The following MICU3 variants were observed in gnomAD, a reference collection of about 807,000 sequenced individuals.
MICU3 encodes mitochondrial calcium uptake 3.
MICU3 carries 62 observed loss-of-function variants against 66.5 expected under a neutral mutation model. That is an observed-to-expected ratio of 0.93 (90% CI 0.76 to 1.15). MICU3 has a LOEUF of 1.15. Among genes scored for constraint, MICU3 ranks in the 50% most tolerant of loss-of-function variants. The probability of loss-of-function intolerance (pLI) is 0.00; values close to 1 mark genes in which losing one functional copy is unlikely to be tolerated. For synonymous variants in MICU3, 308 were observed against 240.7 expected (o/e 1.28, Z -2.59); for missense variants, 779 against 664.4 (o/e 1.17, Z -1.90).
chr8:17,126,923 A>G (rs113172400), downstream of MICU3, among the ~76,000 whole-genome samples: 18 of 152,342 alleles, frequency 1.2e-4, no homozygotes, highest in African/African-American at 4.3e-4. Flanking sequence ...TCTCTGACAC[A>G]GTATATTCTG....
chr8:17,066,794 G>T (rs932263033), intron 2 of MICU3, among the ~76,000 whole-genome samples: 1 of 151,810 alleles, frequency 6.6e-6, no homozygotes, highest in Non-Finnish European at 1.5e-5. Flanking sequence ...CAGTCCACCT[G>T]CCTCAGCCTC....
At position 17,120,492 on chromosome 8, in the gene MICU3, T is replaced by C. The variant is rs892888330; in HGVS notation, c.*205T>C. The C allele has an allele frequency of 2.6e-5, 4 of 152,124 alleles. No individual in the cohort carries two copies. The highest frequency in any genetic ancestry group is 5.9e-5 in the Non-Finnish European group (4 of 67,956). The allele number at this position is 152,124 out of a possible 1,614,324, so 9.4% of individuals were successfully genotyped here. A position where few individuals can be genotyped will look rare whatever the true frequency, so the allele number is the denominator to read the frequency against. ...ATCTTGTTACTACAAATGTTATATATATAAAATCAAGTTGAGCTTTGCCTT... is the reference window on the plus strand; with the variant it reads ...ATCTTGTTACTACAAATGTTATATACATAAAATCAAGTTGAGCTTTGCCTT... On this transcript the variant is annotated 3_prime_UTR_variant, in exon 15 of 15. Transcript: ENST00000318063.
intron 3 of MICU3, 70 bp downstream of exon 3, chr8:17,069,789 A>G (rs1819273231): frequency 2.0e-6 from 1 of 506,188 alleles, no homozygotes; most frequent in African/African-American, 2.0e-5. Flanking sequence ...TATAATTAAA[A>G]TATATTTCAT....
intron 2 of MICU3, among the ~76,000 whole-genome samples, chr8:17,066,771 T>C (rs1298253324): frequency 1.3e-5 from 2 of 151,974 alleles, no homozygotes; most frequent in South Asian, 4.1e-4. Context: ...TGGCTTGAAC[T>C]CCTGGGCTCG....
At chr8:17,115,683 T>G (rs1026635885) in intron 12 of MICU3, among the ~76,000 whole-genome samples, 1 of 152,192 alleles carries the variant, frequency 6.6e-6, no homozygotes, top group African/African-American at 2.4e-5. Flanking sequence ...GACAGAATAA[T>G]CTTTCTTAAA....
intron 1 of MICU3, among the ~76,000 whole-genome samples, chr8:17,030,415 CTT>C (rs1811817539): frequency 6.6e-6 from 1 of 152,202 alleles, no homozygotes. Context: ...TTTTACAGCT[CTT>C]TTTCTCTGAT....
chr8:17,077,646 G>A (rs979919584), intron 3 of MICU3, 137 bp from the exon 4 acceptor site: 12 of 555,340 alleles, frequency 2.2e-5, no homozygotes, highest in African/African-American at 3.8e-5. Flanking sequence ...ATGAACCACA[G>A]GCATAACATA....
intron 5 of MICU3, among the ~76,000 whole-genome samples, chr8:17,083,225 C>T (rs11203831): frequency 0.016 from 2,468 of 152,126 alleles, 65 homozygotes; most frequent in African/African-American, 0.056. Context: ...GCCAGTTTAT[C>T]GCTCTGTGTA....
At chr8:17,115,342 C>T (rs1156621834) in intron 12 of MICU3, among the ~76,000 whole-genome samples, 1 of 152,140 alleles carries the variant, frequency 6.6e-6, no homozygotes, top group South Asian at 2.1e-4. Context: ...ATTCTCAACC[C>T]ATTTTAGTGT....
intron 3 of MICU3, among the ~76,000 whole-genome samples, chr8:17,076,450 C>T (rs1198196043): frequency 6.6e-6 from 1 of 152,136 alleles, no homozygotes; most frequent in African/African-American, 2.4e-5. Flanking sequence ...CTGTGCCATT[C>T]CTATTCTATA....
intron 1 of MICU3, among the ~76,000 whole-genome samples, chr8:17,039,895 C>CTTTTTTTTTTTTTTTTT (rs35133600): frequency 6.4e-5 from 4 of 62,492 alleles, no homozygotes; most frequent in Non-Finnish European, 8.1e-5. Context: ...ATCTTGCATT[C>CTTTTTTTTTTTTTTTTT]TTTTTTTTTT....
chr8:17,040,566 G>C (rs904288412), intron 1 of MICU3, among the ~76,000 whole-genome samples: 6 of 152,154 alleles, frequency 3.9e-5, no homozygotes, highest in Non-Finnish European at 5.9e-5. Flanking sequence ...CAGTAATGGT[G>C]AATTTAGTAA....
intron 4 of MICU3, among the ~76,000 whole-genome samples, chr8:17,079,454 G>T (rs1443863981): frequency 6.6e-6 from 1 of 152,100 alleles, no homozygotes; most frequent in Non-Finnish European, 1.5e-5. Flanking sequence ...GAAGAGCCTT[G>T]CTTTTTTTAA....
intron 9 of MICU3, among the ~76,000 whole-genome samples, chr8:17,101,541 A>G (rs1263862353): frequency 6.6e-6 from 1 of 151,934 alleles, no homozygotes; most frequent in Non-Finnish European, 1.5e-5. Context: ...AAGACTGTTA[A>G]GTGAAGATCT....
At position 17,088,110 on chromosome 8, in the gene MICU3, T is replaced by C. The variant is rs1799662419; in HGVS notation, c.849+1075T>C. Reference sequence around the variant, plus strand: ...CCCAATATATTTATGAAGTGTACGTTTATATTTAGTTGAATGAAAGCAGAT... The same window carrying C: ...CCCAATATATTTATGAAGTGTACGTCTATATTTAGTTGAATGAAAGCAGAT... On this transcript the variant is annotated intron_variant, in intron 7 of 14. Coordinates refer to ENST00000318063, the MANE Select transcript of MICU3 (RefSeq NM_181723.3). Among the ~76,000 whole-genome samples the C allele has an allele frequency of 2.6e-5, 4 of 152,106 alleles. No individual in the cohort carries two copies. The South Asian group carries it at 8.3e-4, about 31-fold the overall frequency.
chr8:17,042,027 G>C (rs529373415), intron 1 of MICU3, among the ~76,000 whole-genome samples: 1 of 152,270 alleles, frequency 6.6e-6, no homozygotes, highest in African/African-American at 2.4e-5. Flanking sequence ...TAATTGCAAG[G>C]CTCAATATGA....
chr8:17,048,652 G>T (rs6587014), intron 1 of MICU3, among the ~76,000 whole-genome samples: 11,322 of 152,192 alleles, frequency 0.074, 1,457 homozygotes, highest in African/African-American at 0.26. Context: ...GATTCACTCT[G>T]TCACCCAGGC....
chr8:17,099,928 G>C (rs1270588542), intron 9 of MICU3, among the ~76,000 whole-genome samples: 1 of 151,776 alleles, frequency 6.6e-6, no homozygotes, highest in Non-Finnish European at 1.5e-5. Context: ...CTGCTAATCA[G>C]ATGTTGAATT....
At chr8:17,096,475 C>T (rs1157450982) in intron 8 of MICU3, among the ~76,000 whole-genome samples, 1 of 151,802 alleles carries the variant, frequency 6.6e-6, no homozygotes. Context: ...GTCTCCAGAA[C>T]AGTTACATAT....
Sources: gnomAD v4.1 joint callset for allele counts (sites outside exome capture counted in the v4.1 genomes callset) on GRCh38, gnomAD v4.1.1 for gene constraint, MANE v1.5 for transcripts, NCBI Gene and HGNC (gene_info 2026-07-23, HGNC 2026-07-21) for gene names.